TENM3: variants seen among roughly 807,000 people sequenced by gnomAD.
TENM3 encodes teneurin transmembrane protein 3.
In TENM3, 63 loss-of-function variants were observed where a neutral mutation model predicts 255.1. The observed-to-expected ratio is 0.25, with a 90% confidence interval of 0.20 to 0.30. The LOEUF is 0.30. Ranked by LOEUF, TENM3 falls within the 10% of genes least tolerant of loss-of-function variation. TENM3 has a pLI of 1.00. For missense variants in TENM3, 2,929 were observed against 3,461.1 expected, an observed-to-expected ratio of 0.85 and a Z score of 3.86; for synonymous variants, 1,306 against 1,322.3, an observed-to-expected ratio of 0.99 and a Z score of 0.27.
intron 3 of TENM3, among the ~76,000 whole-genome samples, chr4:182,533,791 G>C (rs1050401587): frequency 2.6e-5 from 4 of 151,980 alleles, no homozygotes; most frequent in Non-Finnish European, 5.9e-5. Flanking sequence ...GCAGGCATCT[G>C]TAAACCCATC....
chr4:181,646,999 A>C, the TENM3 span, among the ~76,000 whole-genome samples: 270 of 152,346 alleles, frequency 1.8e-3, 3 homozygotes, highest in Non-Finnish European at 3.3e-3. Context: ...CATTTTCGTC[A>C]GGAAAGATCA....
At position 182,202,964 on chromosome 4, in the gene TENM3, C is replaced by T. The variant is rs181287575; in HGVS notation, c.-76+58210C>T. Reference sequence around the variant, plus strand: ...GGTGCGGTGGCTCAAGCCTGTAATCCCAGCACTTTGGGAGGCCGGGGCGGG... The same window carrying T: ...GGTGCGGTGGCTCAAGCCTGTAATCTCAGCACTTTGGGAGGCCGGGGCGGG... On this transcript the variant is annotated intron_variant, in intron 1 of 2. Transcript: ENST00000512480. Among the ~76,000 whole-genome samples, 397 of 152,104 alleles carry T rather than the reference C, an allele frequency of 2.6e-3. 7 individuals are homozygous for T. Among genetic ancestry groups the T allele is most frequent in the Middle Eastern group, 0.017 (5 of 294 alleles).
chr4:181,552,498 C>CTGATGTT, the TENM3 span, among the ~76,000 whole-genome samples: 2 of 152,178 alleles, frequency 1.3e-5, no homozygotes, highest in South Asian at 4.1e-4. Flanking sequence ...TCATTAGTTC[C>CTGATGTT]TCTCGTAAGA....
the TENM3 span, among the ~76,000 whole-genome samples, chr4:182,017,440 G>A: frequency 6.6e-6 from 1 of 152,186 alleles, no homozygotes; most frequent in African/African-American, 2.4e-5. Context: ...TAAAGTTGTA[G>A]TGAAAGAGGA....
chr4:181,838,302 A>G, the TENM3 span, among the ~76,000 whole-genome samples: 1 of 152,194 alleles, frequency 6.6e-6, no homozygotes, highest in Non-Finnish European at 1.5e-5. Context: ...CTTCTCGCCT[A>G]CATTCATGAA....
the TENM3 span, among the ~76,000 whole-genome samples, chr4:181,642,159 C>T: frequency 1.3e-5 from 2 of 151,990 alleles, no homozygotes; most frequent in Admixed American, 1.3e-4. Flanking sequence ...TTAATGATTG[C>T]CATTCTAACA....
intron 1 of TENM3, among the ~76,000 whole-genome samples, chr4:182,164,737 A>G (rs1751593984): frequency 6.6e-6 from 1 of 152,152 alleles, no homozygotes; most frequent in Non-Finnish European, 1.5e-5. Context: ...AGCACCTCAT[A>G]CATAGTCCTG....
At chr4:182,221,363 CT>C (rs1755842963) in intron 1 of TENM3, among the ~76,000 whole-genome samples, 1 of 152,114 alleles carries the variant, frequency 6.6e-6, no homozygotes, top group Admixed American at 6.5e-5. Flanking sequence ...GAAACTGAGC[CT>C]TAGAAGAGTG....
chr4:181,480,661 T>A, the TENM3 span, among the ~76,000 whole-genome samples: 2 of 151,720 alleles, frequency 1.3e-5, no homozygotes, highest in African/African-American at 4.8e-5. Flanking sequence ...TTTGTATATA[T>A]GGAGATATGT....
At chr4:182,089,247 T>C in the TENM3 span, among the ~76,000 whole-genome samples, 1 of 152,196 alleles carries the variant, frequency 6.6e-6, no homozygotes, top group Non-Finnish European at 1.5e-5. Flanking sequence ...TACAAACAGG[T>C]AATCTTAGGC....
At chr4:182,696,870 C>T (rs959808840) in intron 12 of TENM3, among the ~76,000 whole-genome samples, 17 of 152,214 alleles carry the variant, frequency 1.1e-4, no homozygotes, top group Admixed American at 6.5e-4. Flanking sequence ...TTAAAGAGGG[C>T]CTCCCAAATT....
At chr4:181,904,309 C>G in the TENM3 span, among the ~76,000 whole-genome samples, 2 of 152,020 alleles carry the variant, frequency 1.3e-5, no homozygotes, top group Non-Finnish European at 2.9e-5. Context: ...TATGACCCAC[C>G]TAGCAGCCTT....
At chr4:181,522,403 C>T in the TENM3 span, among the ~76,000 whole-genome samples, 2 of 152,166 alleles carry the variant, frequency 1.3e-5, no homozygotes, top group Middle Eastern at 3.2e-3. Context: ...CATTCTGTTA[C>T]ACCCTGATTC....
At chr4:181,505,007 A>G in the TENM3 span, among the ~76,000 whole-genome samples, 1 of 152,198 alleles carries the variant, frequency 6.6e-6, no homozygotes, top group Non-Finnish European at 1.5e-5. Flanking sequence ...CACAAAAAGC[A>G]TTTGGGGTTA....
intron 3 of TENM3, among the ~76,000 whole-genome samples, chr4:182,477,345 G>A (rs923426432): frequency 1.1e-4 from 16 of 152,260 alleles, no homozygotes; most frequent in Non-Finnish European, 1.9e-4. Flanking sequence ...ACTGTCTTCC[G>A]TCTTTTGCCG....
the TENM3 span, among the ~76,000 whole-genome samples, chr4:181,809,485 G>A: frequency 1.2e-4 from 19 of 152,226 alleles, no homozygotes; most frequent in Non-Finnish European, 2.4e-4. Flanking sequence ...TGGTTCGATC[G>A]TGTATTGCCC....
intron 5 of TENM3, among the ~76,000 whole-genome samples, chr4:182,634,624 A>G (rs891173946): frequency 1.3e-5 from 2 of 150,800 alleles, no homozygotes; most frequent in African/African-American, 4.9e-5. Context: ...GATTACAGTT[A>G]GTGATACAGA....
the TENM3 span, among the ~76,000 whole-genome samples, chr4:181,483,403 G>C: frequency 6.6e-6 from 1 of 152,092 alleles, no homozygotes; most frequent in Non-Finnish European, 1.5e-5. Context: ...AAAAATCGTA[G>C]TCATTCTGTG....
chr4:182,399,137 C>T (rs1028163917), intron 3 of TENM3, among the ~76,000 whole-genome samples: 15 of 152,130 alleles, frequency 9.9e-5, no homozygotes, highest in African/African-American at 2.7e-4. Flanking sequence ...ACATACAATC[C>T]GTAGAGCTAA....
Sources: gnomAD v4.1 joint callset for allele counts (sites outside exome capture counted in the v4.1 genomes callset) on GRCh38, gnomAD v4.1.1 for gene constraint, MANE v1.5 for transcripts, NCBI Gene and HGNC (gene_info 2026-07-23, HGNC 2026-07-21) for gene names.